Variants in PDE6C observed in about 807,000 individuals in gnomAD.
PDE6C encodes cone cGMP-specific 3',5'-cyclic phosphodiesterase subunit alpha'.
Under a neutral mutation model 113.1 loss-of-function variants are expected in PDE6C, and 75 were observed. The observed-to-expected ratio is 0.66, with a 90% CI of 0.55 to 0.80. PDE6C has a LOEUF of 0.80. Ranked by LOEUF, PDE6C falls within the 30% of genes least tolerant of loss-of-function variation. The pLI, the probability that PDE6C is intolerant of heterozygous loss-of-function variation, is 0.00. For missense variants in PDE6C, 912 were observed against 1,038.6 expected, an observed-to-expected ratio of 0.88 and a Z score of 1.67; for synonymous variants, 375 against 363.7, an observed-to-expected ratio of 1.03 and a Z score of -0.35.
chr10:93,625,207 C>T (rs1050485416), intron 4 of PDE6C, among the ~76,000 whole-genome samples: 9 of 152,224 alleles, frequency 5.9e-5, no homozygotes, highest in African/African-American at 9.6e-5. Flanking sequence ...CATTTTGCCA[C>T]TCTGTGTGAC....
At chr10:93,654,768 T>TTCTCTCTTTC (rs771373230) in intron 15 of PDE6C, among the ~76,000 whole-genome samples, 4 of 46,812 alleles carry the variant, frequency 8.5e-5, no homozygotes, top group African/African-American at 3.6e-4. Context: ...CTTTCTTTCT[T>TTCTCTCTTTC]TCTTTCTTTC....
At chr10:93,623,561 A>G (rs1166323853) in intron 4 of PDE6C, among the ~76,000 whole-genome samples, 1 of 152,160 alleles carries the variant, frequency 6.6e-6, no homozygotes, top group African/African-American at 2.4e-5. Context: ...TAGATCTTCT[A>G]TGTCATCTCC....
intron 14 of PDE6C, among the ~76,000 whole-genome samples, chr10:93,642,430 G>A (rs2058564379): frequency 6.6e-6 from 1 of 152,094 alleles, no homozygotes; most frequent in African/African-American, 2.4e-5. Context: ...GATGTCATTG[G>A]ACTATTCATT....
In PDE6C at chr10:93,635,005, A is replaced by G. The variant is rs2058521126; in HGVS notation, c.1269+98A>G. 6 of 1,286,394 alleles carry G rather than the reference A, an allele frequency of 4.7e-6. 1 individual carries two copies. In the South Asian group the frequency reaches 7.4e-5, roughly 16 times the overall value. 79.7% of individuals were successfully genotyped at this position (1,286,394 alleles called of 1,614,324 possible). A position where few individuals can be genotyped will look rare whatever the true frequency, so the allele number is the denominator to read the frequency against. The stretch of plus-strand genomic sequence containing the variant: ...TTCTGGAATGATATTTTGAAGGGCC[A>G]TTAAGACATGAGTCACACATAGCTG... On this transcript the variant is annotated intron_variant, in intron 9 of 21. Coordinates refer to ENST00000371447, the MANE Select transcript of PDE6C (RefSeq NM_006204.4).
rs1189910547 is a variant in PDE6C at position 93,662,573 on chromosome 10, G to A, written c.2297G>A (p.Arg766Lys). 2 of 1,491,132 alleles carry A rather than the reference G, an allele frequency of 1.3e-6. No individual in the cohort carries two copies. Among genetic ancestry groups the A allele is most frequent in the Admixed American group, 1.7e-5 (1 of 59,680 alleles). 92.4% of individuals were successfully genotyped at this position (1,491,132 alleles called of 1,614,324 possible). A position where few individuals can be genotyped will look rare whatever the true frequency, so the allele number is the denominator to read the frequency against. The change falls in exon 20 of 22, where the codon AGA (arginine) becomes AAA (lysine). Residue 766 changes from arginine (R) to lysine (K), a missense_variant. Transcript: ENST00000371447. ...TTCTCTTTCTAGCCTATGATGGACA[G>A]AAACAAAAGAGATGAATTACCTAAA... ...LQQQPIPMMD[R>K]NKRDELPKLQ...
chr10:93,652,728 C>T (rs995789339), intron 15 of PDE6C, among the ~76,000 whole-genome samples: 7 of 152,046 alleles, frequency 4.6e-5, no homozygotes, highest in African/African-American at 7.2e-5. Context: ...TTTTCTTTCA[C>T]GTCTATTAAA....
intron 11 of PDE6C, among the ~76,000 whole-genome samples, chr10:93,637,397 CATGACAGAGTT>C (rs1453748311): frequency 1.3e-5 from 2 of 152,154 alleles, no homozygotes; most frequent in Non-Finnish European, 2.9e-5. Flanking sequence ...CCACAGAGAA[CATGACAGAGTT>C]AGCGTGGAGC....
At chr10:93,618,857 G>C (rs984877372) in intron 1 of PDE6C, among the ~76,000 whole-genome samples, 5 of 152,216 alleles carry the variant, frequency 3.3e-5, no homozygotes, top group African/African-American at 1.2e-4. Context: ...GACACACCCA[G>C]AAAATTCTCA....
In PDE6C at chr10:93,663,099, A is replaced by C; in HGVS notation, c.2439A>C (p.Lys813Asn). ...TTCAGAATAACAGAGTAGAATGGAA[A>C]TCACTAGCTGATGAGTATGATGCAA... is the stretch of plus-strand genomic sequence containing the variant. ...SGLQNNRVEW[K>N]SLADEYDAKM... The change falls in exon 21 of 22, where the codon AAA becomes AAC. Residue 813 changes from lysine to asparagine, a missense_variant. Physicochemically the swap from Lys to Asn is moderately conservative, Grantham distance 94. Transcript: ENST00000371447. 6.2e-7 allele frequency: 1 copy of C among 1,613,598 alleles called. No homozygotes were observed. Among genetic ancestry groups the C allele is most frequent in the Non-Finnish European group, 8.5e-7 (1 of 1,179,694 alleles).
chr10:93,646,141 A>G, intron 15 of PDE6C, 94 bp downstream of exon 15: 2 of 766,148 alleles, frequency 2.6e-6, no homozygotes, highest in African/African-American at 1.7e-5. Context: ...GCCTTGAGTT[A>G]CAGCAGTTGA....
At chr10:93,639,610 G>A (rs1045194752) in intron 11 of PDE6C, among the ~76,000 whole-genome samples, 2 of 152,120 alleles carry the variant, frequency 1.3e-5, no homozygotes, top group African/African-American at 2.4e-5. Context: ...CCCCACCCTC[G>A]GGGAGCTCAC....
At chr10:93,625,851 C>T (rs1001477182) in intron 5 of PDE6C, among the ~76,000 whole-genome samples, 1 of 152,194 alleles carries the variant, frequency 6.6e-6, no homozygotes, top group Non-Finnish European at 1.5e-5. Flanking sequence ...TGAACCTCTC[C>T]GTTTCCTTTT....
intron 8 of PDE6C, among the ~76,000 whole-genome samples, chr10:93,633,699 G>A (rs1050005325): frequency 6.6e-6 from 1 of 151,970 alleles, no homozygotes; most frequent in Admixed American, 6.6e-5. Context: ...ACACACCACA[G>A]AATGAAAGAC....
intron 21 of PDE6C, among the ~76,000 whole-genome samples, chr10:93,663,773 GT>G (rs2058677515): frequency 6.6e-6 from 1 of 152,068 alleles, no homozygotes; most frequent in East Asian, 1.9e-4. Flanking sequence ...ACTTTGTCAA[GT>G]TTAATGTTGT....
chr10:93,650,278 G>A (rs2058603803), intron 15 of PDE6C, among the ~76,000 whole-genome samples: 1 of 152,084 alleles, frequency 6.6e-6, no homozygotes, highest in South Asian at 2.1e-4. Context: ...ATGGGGTCTT[G>A]CTCTGTTGCC....
intron 16 of PDE6C, among the ~76,000 whole-genome samples, chr10:93,657,877 T>C (rs1314820807): frequency 6.6e-6 from 1 of 152,108 alleles, no homozygotes; most frequent in Non-Finnish European, 1.5e-5. Context: ...ACACACAGTG[T>C]GCAAGAGTTC....
At chr10:93,649,923 T>C (rs954521096) in intron 15 of PDE6C, among the ~76,000 whole-genome samples, 1 of 151,896 alleles carries the variant, frequency 6.6e-6, no homozygotes, top group African/African-American at 2.4e-5. Flanking sequence ...ATCTCTAGAG[T>C]GCCCAATTCC....
intron 9 of PDE6C, 118 bp from the exon 10 acceptor site, chr10:93,635,374 TAAAAG>T (rs1307931897): frequency 1.3e-6 from 1 of 752,530 alleles, no homozygotes; most frequent in Non-Finnish European, 2.3e-6. Context: ...TTTCTTAAAT[TAAAAG>T]AAGGAATGGG....
chr10:93,618,621 T>C (rs979564163), intron 1 of PDE6C, among the ~76,000 whole-genome samples: 4 of 152,238 alleles, frequency 2.6e-5, no homozygotes, highest in Non-Finnish European at 4.4e-5. Context: ...GTACCATTTC[T>C]GGTGATCCTC....
Sources: allele counts gnomAD v4.1 joint callset (sites outside exome capture counted in the v4.1 genomes callset), GRCh38; gene constraint gnomAD v4.1.1; transcripts MANE v1.5; gene names NCBI Gene and HGNC (gene_info 2026-07-23, HGNC 2026-07-21).